The following TGFBRAP1 variants were observed in gnomAD, a reference collection of about 807,000 sequenced individuals.
TGFBRAP1 encodes the protein transforming growth factor beta receptor associated protein 1.
In TGFBRAP1, 20 loss-of-function variants were observed where a neutral mutation model predicts 83.2. That is an observed-to-expected ratio of 0.24 (90% confidence interval 0.17 to 0.35). The LOEUF (loss-of-function observed/expected upper bound fraction) is 0.35. Among genes scored for constraint, TGFBRAP1 ranks in the 10% least tolerant of loss-of-function variants. TGFBRAP1 has a pLI of 1.00. For missense variants in TGFBRAP1, 950 were observed against 1,099.4 expected (o/e 0.86, Z 1.92); for synonymous variants, 415 against 459.8 (o/e 0.90, Z 1.25).
chr2:105,253,470 C>T, the TGFBRAP1 span, among the ~76,000 whole-genome samples: 1 of 152,052 alleles, frequency 6.6e-6, no homozygotes, highest in East Asian at 1.9e-4. Context: ...CTCACTCTTC[C>T]TCCCAGGCTG....
rs146954961 is a variant in TGFBRAP1, at chr2:105,277,289, T to C, written c.1521+325A>G. Among the ~76,000 whole-genome samples, 938 of 152,338 alleles carry C rather than the reference T, an allele frequency of 6.2e-3. 3 individuals are homozygous for C. The highest frequency in any genetic ancestry group is 8.2e-3 in the Non-Finnish European group (559 of 68,028). Reference sequence around the variant, plus strand: ...ACAGTGGAAATGGTAAATCCGACTATCATTCACTGCCTAAATTTTCTGATA... The same window carrying C: ...ACAGTGGAAATGGTAAATCCGACTACCATTCACTGCCTAAATTTTCTGATA... On this transcript the variant is annotated intron_variant, in intron 7 of 11. Coordinates refer to ENST00000393359, the MANE Select transcript of TGFBRAP1 (RefSeq NM_004257.6).
chr2:105,272,630 A>C (rs1174713268), intron 10 of TGFBRAP1, among the ~76,000 whole-genome samples: 1 of 152,134 alleles, frequency 6.6e-6, no homozygotes, highest in Non-Finnish European at 1.5e-5. Flanking sequence ...CCAGCACCTT[A>C]GGAGGCAGAA....
intron 5 of TGFBRAP1, among the ~76,000 whole-genome samples, chr2:105,281,351 G>A (rs1320173612): frequency 2.0e-5 from 3 of 152,184 alleles, no homozygotes; most frequent in Non-Finnish European, 4.4e-5. Context: ...AATCAGAGCA[G>A]GAGCTGTGGA....
chr2:105,255,980 C>T, the TGFBRAP1 span, among the ~76,000 whole-genome samples: 1 of 152,220 alleles, frequency 6.6e-6, no homozygotes, highest in African/African-American at 2.4e-5. Flanking sequence ...TGTTCAGCAG[C>T]AGTCATCTCC....
downstream of TGFBRAP1, among the ~76,000 whole-genome samples, chr2:105,262,951 G>A (rs1042640226): frequency 3.4e-4 from 52 of 152,196 alleles, no homozygotes; most frequent in Admixed American, 2.6e-3. Context: ...GTACAATTTC[G>A]TTTCAAACGC....
chr2:105,278,240 G>C lies in TGFBRAP1; in HGVS notation c.1464-569C>G, dbSNP rs554539820. Among the ~76,000 whole-genome samples the C allele has an allele frequency of 7.9e-5, 12 of 152,220 alleles. No homozygotes were observed. The South Asian group carries it at 1.7e-3, about 21-fold the overall frequency. On this transcript the variant is annotated intron_variant, in intron 6 of 11. Coordinates refer to ENST00000393359, the MANE Select transcript of TGFBRAP1 (RefSeq NM_004257.6). The stretch of plus-strand genomic sequence containing the variant: ...TTCCAATCTAAGATGAGCTGAAAAA[G>C]TAAACTATGGAAAAATCACAGCTGG...
Position 105,297,900 on chromosome 2 carries a change from C to G in TGFBRAP1, c.883+611G>C, listed in dbSNP as rs530839833. ...GTTTCTGGTGGTTTACTTTGTCTCT[C>G]TTACCACTTTTCGGTCTGCTTCAAA... On this transcript the variant is annotated intron_variant, in intron 3 of 11. Coordinates refer to ENST00000393359, the MANE Select transcript of TGFBRAP1 (RefSeq NM_004257.6). Among the ~76,000 whole-genome samples the G allele has an allele frequency of 4.6e-5, 7 of 152,292 alleles. No homozygotes were observed. In the South Asian group the frequency reaches 1.5e-3, roughly 32 times the overall value.
Position 105,264,613 on chromosome 2 carries a change from C to A in TGFBRAP1, c.*2770G>T, listed in dbSNP as rs1676859390. ...GCTGCCCCAGTTGCATCATGGGCAT[C>A]CATTCAGAGCTGGGACCCCGCAGCC... On this transcript the variant is annotated 3_prime_UTR_variant, in exon 12 of 12. Coordinates refer to ENST00000393359, the MANE Select transcript of TGFBRAP1 (RefSeq NM_004257.6). The A allele has an allele frequency of 6.6e-6, 1 of 152,262 alleles. No homozygotes were observed. Among genetic ancestry groups the A allele is most frequent in the East Asian group, 1.9e-4 (1 of 5,204 alleles). 9.4% of individuals were successfully genotyped at this position (152,262 alleles called of 1,614,324 possible).
rs3060065 is a variant in TGFBRAP1, at chr2:105,290,616, AGTGTGT to A, written c.1038+5734_1038+5739del. 7.1e-3 allele frequency among the ~76,000 whole-genome samples: 990 copies of A among 140,080 alleles called. 9 individuals are homozygous for A. The highest frequency in any genetic ancestry group is 0.023 in the African/African-American group (852 of 37,666). 91.9% of individuals were successfully genotyped at this position (140,080 alleles called of 152,430 possible). On this transcript the variant is annotated intron_variant, in intron 4 of 11. Coordinates refer to ENST00000393359, the MANE Select transcript of TGFBRAP1 (RefSeq NM_004257.6). The stretch of plus-strand genomic sequence containing the variant: ...GAGAGAAAGAGAGAAACAGAGAGAC[AGTGTGT>A]GTGTGTGTGTGTGTGTGTGTGTGTG...
intron 10 of TGFBRAP1, among the ~76,000 whole-genome samples, chr2:105,271,483 T>C (rs2104312664): frequency 6.6e-6 from 1 of 152,284 alleles, no homozygotes; most frequent in East Asian, 1.9e-4. Context: ...AGTCCTAATG[T>C]AGGTGCAGGT....
rs1349649442 is a variant in TGFBRAP1, at chr2:105,284,165, G to C, written c.1121+151C>G. 6.0e-6 allele frequency: 4 copies of C among 661,472 alleles called. No individual in the cohort carries two copies. In the East Asian group the frequency reaches 8.3e-5, roughly 14 times the overall value. 41.0% of individuals were successfully genotyped at this position (661,472 alleles called of 1,614,324 possible). A position where few individuals can be genotyped will look rare whatever the true frequency, so the allele number is the denominator to read the frequency against. On this transcript the variant is annotated intron_variant, in intron 5 of 11. Transcript: ENST00000393359. ...TGACGCTGAGGAACCAGCATTGGCGGGGTCTGCTGTCACGAGCTACCCCCA... is the reference window on the plus strand; with the variant it reads ...TGACGCTGAGGAACCAGCATTGGCGCGGTCTGCTGTCACGAGCTACCCCCA...
chr2:105,289,516 G>A (rs927890580), intron 4 of TGFBRAP1, among the ~76,000 whole-genome samples: 2 of 152,170 alleles, frequency 1.3e-5, no homozygotes, highest in Non-Finnish European at 2.9e-5. Context: ...GATATGTTAT[G>A]TATTGAGGAG....
chr2:105,273,473 G>A (rs1449165409), intron 9 of TGFBRAP1, 71 bp downstream of exon 9: 10 of 1,578,132 alleles, frequency 6.3e-6, no homozygotes, highest in Non-Finnish European at 2.6e-6. Context: ...AGAATCACAT[G>A]CCAAAAAGTG....
chr2:105,262,161 G>A (rs532606406), downstream of TGFBRAP1, among the ~76,000 whole-genome samples: 3 of 152,252 alleles, frequency 2.0e-5, no homozygotes, highest in African/African-American at 4.8e-5. Context: ...GCTTATGGAC[G>A]ATGCCACTGA....
chr2:105,294,829 T>C (rs1248963257), intron 4 of TGFBRAP1, among the ~76,000 whole-genome samples: 1 of 152,040 alleles, frequency 6.6e-6, no homozygotes, highest in Non-Finnish European at 1.5e-5. Context: ...TGTAAGAAAA[T>C]GCTACACGCT....
At chr2:105,263,173 T>C (rs1676830166), downstream of TGFBRAP1, among the ~76,000 whole-genome samples, 1 of 152,234 alleles carries the variant, frequency 6.6e-6, no homozygotes, top group Non-Finnish European at 1.5e-5. Flanking sequence ...TGAATCTACA[T>C]GTCTTCCTTT....
chr2:105,286,085 C>T (rs964289814), intron 4 of TGFBRAP1, among the ~76,000 whole-genome samples: 1 of 152,030 alleles, frequency 6.6e-6, no homozygotes, highest in Non-Finnish European at 1.5e-5. Flanking sequence ...TTCCTTATGG[C>T]GGTAGGATTC....
chr2:105,255,802 GCTCACCCTGT>G, the TGFBRAP1 span, among the ~76,000 whole-genome samples: 1 of 152,046 alleles, frequency 6.6e-6, no homozygotes, highest in Non-Finnish European at 1.5e-5. Flanking sequence ...TCCTAAGCCT[GCTCACCCTGT>G]CTCTCCCATT....
chr2:105,288,773 C>G (rs570427913), intron 4 of TGFBRAP1, among the ~76,000 whole-genome samples: 20 of 152,158 alleles, frequency 1.3e-4, no homozygotes, highest in Non-Finnish European at 2.5e-4. Flanking sequence ...CCATGGCATT[C>G]TCCTTGTTAA....
Sources: gnomAD v4.1 joint callset for allele counts (sites outside exome capture counted in the v4.1 genomes callset) on GRCh38, gnomAD v4.1.1 for gene constraint, MANE v1.5 for transcripts, NCBI Gene and HGNC (gene_info 2026-07-23, HGNC 2026-07-21) for gene names.